Variants in SYN2 observed in about 807,000 individuals in gnomAD.
SYN2 encodes synapsin-2.
Under a neutral mutation model 50.9 loss-of-function variants are expected in SYN2, and 19 were observed. The observed-to-expected ratio is 0.37, with a 90% CI of 0.26 to 0.55. SYN2 has a LOEUF of 0.55. SYN2 is among the 20% of genes least tolerant of loss of function. SYN2 has a pLI of 0.81. For missense variants in SYN2, 587 were observed against 576.4 expected (o/e 1.02, Z -0.19); for synonymous variants, 255 against 224.9 (o/e 1.13, Z -1.20).
intron 5 of SYN2, chr3:12,153,285 A>G (rs2125226762): frequency 1.7e-6 from 1 of 581,156 alleles, no homozygotes; most frequent in Admixed American, 3.0e-5. Flanking sequence ...ACTTGCAGTA[A>G]CAGCTACAAG....
At chr3:12,101,681 A>G (rs1478638008) in intron 1 of SYN2, among the ~76,000 whole-genome samples, 1 of 152,196 alleles carries the variant, frequency 6.6e-6, no homozygotes, top group East Asian at 1.9e-4. Context: ...GAAGAAAAGT[A>G]TAGAGATCTG....
chr3:12,172,536 C>T (rs771669689), intron 10 of SYN2, among the ~76,000 whole-genome samples: 2 of 152,174 alleles, frequency 1.3e-5, no homozygotes, highest in Non-Finnish European at 2.9e-5. Flanking sequence ...CACAAAACTT[C>T]GATTAGTTAG....
intron 1 of SYN2, 147 bp downstream of exon 1, chr3:12,005,075 A>T (rs1460417881): frequency 1.3e-5 from 5 of 383,070 alleles, no homozygotes; most frequent in Non-Finnish European, 2.3e-5. Context: ...GTGCGGGCTG[A>T]GCGCGCGCGC....
chr3:12,021,968 G>A (rs1413955349), intron 1 of SYN2, among the ~76,000 whole-genome samples: 1 of 151,880 alleles, frequency 6.6e-6, no homozygotes, highest in Admixed American at 6.6e-5. Flanking sequence ...TACTTTGGAG[G>A]TTGAGGCACA....
intron 1 of SYN2, among the ~76,000 whole-genome samples, chr3:12,050,823 C>CT (rs1227190535): frequency 6.8e-6 from 1 of 146,836 alleles, no homozygotes; most frequent in Non-Finnish European, 1.5e-5. Context: ...GCAAGCTCCG[C>CT]TTCCCGGGTT....
At chr3:12,185,171 G>A in intron 11 of SYN2, 1 of 985,788 alleles carries the variant, frequency 1.0e-6, no homozygotes, top group Non-Finnish European at 1.2e-6. Context: ...ACTTCCAGAT[G>A]GGTTGCATAA....
intron 1 of SYN2, among the ~76,000 whole-genome samples, chr3:12,092,414 C>G (rs1361640227): frequency 6.6e-6 from 1 of 152,144 alleles, no homozygotes; most frequent in Admixed American, 6.6e-5. Flanking sequence ...CAATTAACCT[C>G]TCATCTGTGA....
At chr3:12,084,407 GA>G (rs554275484) in intron 1 of SYN2, among the ~76,000 whole-genome samples, 127 of 152,204 alleles carry the variant, frequency 8.3e-4, no homozygotes, top group Non-Finnish European at 1.6e-3. Context: ...TAATAATCTA[GA>G]AGGAATATTA....
At chr3:12,007,508 T>G (rs1348355405) in intron 1 of SYN2, among the ~76,000 whole-genome samples, 3 of 152,198 alleles carry the variant, frequency 2.0e-5, no homozygotes, top group Admixed American at 6.5e-5. Context: ...ACACAGGTGA[T>G]TTTTGCACTG....
chr3:12,081,749 C>T (rs1227998110), intron 1 of SYN2, among the ~76,000 whole-genome samples: 1 of 152,160 alleles, frequency 6.6e-6, no homozygotes, highest in Non-Finnish European at 1.5e-5. Context: ...CAGGTTTTCC[C>T]TGTGTTCATA....
At chr3:12,127,247 G>A (rs1696690661) in intron 1 of SYN2, among the ~76,000 whole-genome samples, 1 of 152,158 alleles carries the variant, frequency 6.6e-6, no homozygotes, top group Admixed American at 6.5e-5. Flanking sequence ...TGGCTGAAAG[G>A]ATGGACAAAT....
intron 4 of SYN2, among the ~76,000 whole-genome samples, chr3:12,149,975 C>T (rs1357448207): frequency 2.0e-5 from 3 of 152,138 alleles, no homozygotes; most frequent in South Asian, 4.1e-4. Flanking sequence ...GAGGAAAACT[C>T]ATTTGCCCAA....
chr3:12,161,968 G>A (rs1048734083), intron 6 of SYN2, 44 bp from the exon 7 acceptor site: 7 of 1,610,362 alleles, frequency 4.3e-6, no homozygotes, highest in East Asian at 2.2e-5. Context: ...GTGTGTGTAT[G>A]TGTGTGTCTC....
chr3:12,105,954 C>T (rs1696179429), intron 1 of SYN2, among the ~76,000 whole-genome samples: 1 of 152,096 alleles, frequency 6.6e-6, no homozygotes, highest in Non-Finnish European at 1.5e-5. Context: ...TATTTATTAA[C>T]TCACAGTTCC....
intron 1 of SYN2, among the ~76,000 whole-genome samples, chr3:12,012,492 G>A (rs1433744495): frequency 2.0e-5 from 3 of 152,152 alleles, no homozygotes; most frequent in Admixed American, 6.5e-5. Context: ...TCCCTAACAC[G>A]TAGTTGCTCA....
At chr3:12,172,649 T>C (rs1227482384) in intron 10 of SYN2, among the ~76,000 whole-genome samples, 3 of 152,200 alleles carry the variant, frequency 2.0e-5, no homozygotes, top group Non-Finnish European at 4.4e-5. Flanking sequence ...CAGTTTTTAT[T>C]GGGGCTTCAT....
At chr3:12,086,493 C>A (rs564892013) in intron 1 of SYN2, among the ~76,000 whole-genome samples, 76 of 152,236 alleles carry the variant, frequency 5.0e-4, no homozygotes, top group Admixed American at 2.4e-3. Flanking sequence ...CCAAACTCAA[C>A]AACATATTTA....
chr3:12,005,343 G>A (rs577373089), intron 1 of SYN2, among the ~76,000 whole-genome samples: 13 of 152,250 alleles, frequency 8.5e-5, no homozygotes, highest in African/African-American at 1.2e-4. Flanking sequence ...TTAACTTCAT[G>A]AAGCACGGAG....
chr3:12,115,808 A>G (rs1379118882), intron 1 of SYN2, among the ~76,000 whole-genome samples: 2 of 152,208 alleles, frequency 1.3e-5, no homozygotes, highest in Non-Finnish European at 2.9e-5. Context: ...TATGTAGCAT[A>G]TAGTAGGCAT....
Sources: gnomAD v4.1 joint callset for allele counts (sites outside exome capture counted in the v4.1 genomes callset) on GRCh38, gnomAD v4.1.1 for gene constraint, MANE v1.5 for transcripts, NCBI Gene and HGNC (gene_info 2026-07-23, HGNC 2026-07-21) for gene names.